Variants in OR3A2 observed in about 807,000 individuals in gnomAD.
OR3A2 encodes the protein olfactory receptor family 3 subfamily A member 2.
For synonymous variants in OR3A2, 126 were observed against 159.3 expected, an observed-to-expected ratio of 0.79 and a Z score of 1.57; for missense variants, 318 against 392.8, an observed-to-expected ratio of 0.81 and a Z score of 1.61.
In OR3A2 at chr17:3,375,971, G is replaced by C. The variant is rs752722186; in HGVS notation, c.-179+7833C>G. Among the ~76,000 whole-genome samples, 3 of 152,346 alleles carry C rather than the reference G, an allele frequency of 2.0e-5. No individual in the cohort carries two copies. The South Asian group carries it at 6.2e-4, about 32-fold the overall frequency. On this transcript the variant is annotated intron_variant, in intron 2 of 4. Coordinates refer to the OR3A2 transcript ENST00000573491. ...TGATCTGTCTTCAGGTCTCCCAGCA[G>C]TGGATACAAGTACCTGCTCTGGTGG...
At chr17:3,364,674 G>A (rs904189506) in intron 2 of OR3A2, among the ~76,000 whole-genome samples, 1 of 152,152 alleles carries the variant, frequency 6.6e-6, no homozygotes, top group Non-Finnish European at 1.5e-5. Flanking sequence ...ATATAAACCA[G>A]TACAGCCATT....
intron 2 of OR3A2, among the ~76,000 whole-genome samples, chr17:3,371,448 G>C (rs230482): frequency 7.6e-6 from 1 of 131,660 alleles, no homozygotes; most frequent in Admixed American, 7.3e-5. Context: ...CCTCCCGGAC[G>C]GGGTGGCTGG....
chr17:3,278,309 A>G, exon 2 of OR3A2: 3 of 1,614,256 alleles, frequency 1.9e-6, no homozygotes, highest in Non-Finnish European at 2.5e-6. Context: ...AACCCACAGC[A>G]AAGAGCAGCA....
chr17:3,362,930 C>T (rs570279054), intron 2 of OR3A2, among the ~76,000 whole-genome samples: 1 of 152,026 alleles, frequency 6.6e-6, no homozygotes, highest in Non-Finnish European at 1.5e-5. Flanking sequence ...TGAGCTGTAC[C>T]TTGGCCCCTT....
intron 2 of OR3A2, among the ~76,000 whole-genome samples, chr17:3,344,370 C>G (rs1257698554): frequency 6.6e-6 from 1 of 152,128 alleles, no homozygotes; most frequent in African/African-American, 2.4e-5. Context: ...CACCCTGCAT[C>G]TGCCAACCAC....
intron 3 of OR3A2, chr17:3,292,346 G>A (rs758081375): frequency 1.9e-6 from 3 of 1,614,128 alleles, no homozygotes. Context: ...ATGGAACAGT[G>A]ACGCTGATGC....
At chr17:3,350,238 C>T (rs144074303) in intron 2 of OR3A2, among the ~76,000 whole-genome samples, 3 of 152,028 alleles carry the variant, frequency 2.0e-5, no homozygotes, top group Admixed American at 2.0e-4. Flanking sequence ...ATTAACGAAT[C>T]CAGGAGCAGG....
chr17:3,379,692 T>C (rs1280371129), intron 2 of OR3A2, among the ~76,000 whole-genome samples: 1 of 151,908 alleles, frequency 6.6e-6, no homozygotes, highest in Non-Finnish European at 1.5e-5. Flanking sequence ...CATGGTGAGG[T>C]CGCAGCTTTA....
chr17:3,290,367 C>T (rs945026557), intron 3 of OR3A2, among the ~76,000 whole-genome samples: 7 of 152,152 alleles, frequency 4.6e-5, no homozygotes, highest in African/African-American at 1.7e-4. Context: ...TTGGTCCTAA[C>T]CCCCTCCACT....
At chr17:3,343,075 A>G (rs2049333593) in intron 2 of OR3A2, among the ~76,000 whole-genome samples, 1 of 152,220 alleles carries the variant, frequency 6.6e-6, no homozygotes, top group African/African-American at 2.4e-5. Context: ...GGCACGGGAT[A>G]TAATCTCCTG....
At chr17:3,330,237 G>A (rs1390967391) in intron 3 of OR3A2, among the ~76,000 whole-genome samples, 12 of 151,636 alleles carry the variant, frequency 7.9e-5, no homozygotes, top group Non-Finnish European at 1.5e-5. Flanking sequence ...TTGGCTTGGT[G>A]CAGAGCTGAG....
At chr17:3,286,368 A>G (rs557076447), upstream of OR3A2, among the ~76,000 whole-genome samples, 1 of 152,320 alleles carries the variant, frequency 6.6e-6, no homozygotes, top group African/African-American at 2.4e-5. Context: ...CAGTGCTACA[A>G]TAAACATACA....
chr17:3,374,381 TTCAG>T (rs1305161108), intron 2 of OR3A2, among the ~76,000 whole-genome samples: 2 of 152,220 alleles, frequency 1.3e-5, no homozygotes, highest in African/African-American at 2.4e-5. Context: ...AATTATTCCC[TTCAG>T]TAAGTTTTCC....
chr17:3,311,003 C>T lies in OR3A2; in HGVS notation c.-85+25030G>A, dbSNP rs1448850118. On this transcript the variant is annotated intron_variant, in intron 3 of 4. Coordinates refer to the OR3A2 transcript ENST00000573491. The surrounding 1 kb of genome is among the most constrained non-coding windows in gnomAD (Gnocchi z 4.6). ...ATGTGGCAGCTGCAGTCCTGCGAAT[C>T]CGCTCTGCAGAGGGCAGAAAGAAAG... The T allele has an allele frequency of 1.8e-6, 1 of 550,452 alleles. No individual in the cohort carries two copies. The highest frequency in any genetic ancestry group is 3.7e-6 in the Non-Finnish European group (1 of 271,584). The allele number at this position is 550,452 out of a possible 1,614,324, so 34.1% of individuals were successfully genotyped here.
intron 1 of OR3A2, among the ~76,000 whole-genome samples, chr17:3,280,619 C>T (rs941931048): frequency 6.6e-6 from 1 of 152,180 alleles, no homozygotes; most frequent in Non-Finnish European, 1.5e-5. Flanking sequence ...ACATCAATGT[C>T]TCTATTGCCC....
At chr17:3,334,956 G>T (rs749161176) in intron 3 of OR3A2, among the ~76,000 whole-genome samples, 1 of 152,148 alleles carries the variant, frequency 6.6e-6, no homozygotes, top group East Asian at 1.9e-4. Context: ...GTGACAGTTT[G>T]TCTCCATTAG....
At chr17:3,330,914 A>G (rs1289587477) in intron 3 of OR3A2, among the ~76,000 whole-genome samples, 2 of 151,928 alleles carry the variant, frequency 1.3e-5, no homozygotes, top group East Asian at 3.9e-4. Flanking sequence ...CCTGGTGGTG[A>G]CAAAATCTCT....
At chr17:3,315,121 T>C (rs1019313376) in intron 3 of OR3A2, among the ~76,000 whole-genome samples, 1 of 152,226 alleles carries the variant, frequency 6.6e-6, no homozygotes, top group African/African-American at 2.4e-5. Flanking sequence ...ATGTCTTTGC[T>C]ATTGTGAATA....
chr17:3,357,188 G>T (rs1414220825), intron 2 of OR3A2, among the ~76,000 whole-genome samples: 1 of 151,670 alleles, frequency 6.6e-6, no homozygotes, highest in Non-Finnish European at 1.5e-5. Context: ...GCTAGTCCAT[G>T]AAGCAGCATT....
Sources: gnomAD v4.1 joint callset for allele counts (sites outside exome capture counted in the v4.1 genomes callset) on GRCh38, gnomAD v4.1.1 for gene constraint, Gnocchi (gnomAD v3.1) non-coding constraint, MANE v1.5 for transcripts, NCBI Gene and HGNC (gene_info 2026-07-23, HGNC 2026-07-21) for gene names.